Variants in RIC8B observed in about 807,000 individuals in gnomAD.
RIC8B encodes the protein chaperone Ric-8B.
RIC8B carries 16 observed loss-of-function variants against 57.5 expected under a neutral mutation model. The ratio of observed to expected loss-of-function variants is 0.28; its 90% CI spans 0.19 to 0.42. RIC8B has a LOEUF of 0.42. Among genes scored for constraint, RIC8B ranks in the 10% least tolerant of loss-of-function variants. RIC8B has a pLI of 1.00. For missense variants in RIC8B, 481 were observed against 677.0 expected (o/e 0.71, Z 3.21); for synonymous variants, 216 against 250.8 (o/e 0.86, Z 1.31).
At chr12:106,873,779 G>A (rs1950549151) in intron 9 of RIC8B, among the ~76,000 whole-genome samples, 1 of 152,194 alleles carries the variant, frequency 6.6e-6, no homozygotes, top group African/African-American at 2.4e-5. Context: ...AGGAAAAGGA[G>A]TAGTTCATTC....
At chr12:106,819,910 C>T (rs969859302) in intron 3 of RIC8B, among the ~76,000 whole-genome samples, 1 of 151,812 alleles carries the variant, frequency 6.6e-6, no homozygotes, top group African/African-American at 2.4e-5. Flanking sequence ...TTTGCAGTTG[C>T]TTGCTGTTTT....
At chr12:106,837,351 G>C (rs2136391435) in intron 4 of RIC8B, among the ~76,000 whole-genome samples, 1 of 151,592 alleles carries the variant, frequency 6.6e-6, no homozygotes, top group Non-Finnish European at 1.5e-5. Context: ...GACAGAGCAA[G>C]ACTGTTTCTC....
intron 2 of RIC8B, among the ~76,000 whole-genome samples, chr12:106,806,207 A>G (rs529512207): frequency 7.2e-5 from 11 of 152,158 alleles, no homozygotes; most frequent in Non-Finnish European, 1.3e-4. Flanking sequence ...TCGGCCTCCC[A>G]AAGTGCTGGG....
intron 2 of RIC8B, among the ~76,000 whole-genome samples, chr12:106,811,071 A>C (rs1671890805): frequency 6.6e-6 from 1 of 152,248 alleles, no homozygotes; most frequent in African/African-American, 2.4e-5. Flanking sequence ...GACCTTAAAC[A>C]AGTAATATGC....
chr12:106,820,977 C>T (rs918044118), intron 3 of RIC8B, among the ~76,000 whole-genome samples: 1 of 152,200 alleles, frequency 6.6e-6, no homozygotes, highest in Non-Finnish European at 1.5e-5. Context: ...TTTTCTCTCT[C>T]AGCCTTTGAA....
chr12:106,854,367 G>C (rs1015378512), intron 7 of RIC8B, among the ~76,000 whole-genome samples: 1 of 152,140 alleles, frequency 6.6e-6, no homozygotes, highest in Non-Finnish European at 1.5e-5. Context: ...CAGAATGTCT[G>C]AACTGTCTCT....
intron 3 of RIC8B, among the ~76,000 whole-genome samples, chr12:106,825,437 A>G (rs548602907): frequency 1.2e-4 from 18 of 152,344 alleles, no homozygotes; most frequent in African/African-American, 3.6e-4. Flanking sequence ...GCACCATAGA[A>G]AAAACGAATT....
At chr12:106,882,229 A>T (rs781252337) in intron 9 of RIC8B, among the ~76,000 whole-genome samples, 1 of 152,146 alleles carries the variant, frequency 6.6e-6, no homozygotes, top group Non-Finnish European at 1.5e-5. Flanking sequence ...CTAATGTTAT[A>T]CTATACACTT....
At chr12:106,792,316 A>G (rs1281442998) in intron 2 of RIC8B, among the ~76,000 whole-genome samples, 1 of 152,194 alleles carries the variant, frequency 6.6e-6, no homozygotes, top group Non-Finnish European at 1.5e-5. Flanking sequence ...GGAGGAGTAA[A>G]TCTAGAAAGC....
intron 7 of RIC8B, among the ~76,000 whole-genome samples, chr12:106,858,547 A>C (rs1013962001): frequency 6.6e-6 from 1 of 152,098 alleles, no homozygotes. Flanking sequence ...AAAGCACTAC[A>C]TCTTGGGGAG....
chr12:106,789,752 C>A (rs1272269581), intron 2 of RIC8B, among the ~76,000 whole-genome samples: 1 of 152,146 alleles, frequency 6.6e-6, no homozygotes, highest in East Asian at 1.9e-4. Context: ...CAAACCATAT[C>A]ACTCCCCTCG....
Position 106,863,913 on chromosome 12 carries a change from G to A in RIC8B, c.1451+3501G>A, listed in dbSNP as rs181089355. 3.6e-4 allele frequency among the ~76,000 whole-genome samples: 55 copies of A among 152,060 alleles called. No individual in the cohort carries two copies. In the East Asian group the frequency reaches 8.9e-3, roughly 25 times the overall value. On this transcript the variant is annotated intron_variant, in intron 8 of 9. Coordinates refer to ENST00000392837, the MANE Select transcript of RIC8B (RefSeq NM_001330145.2). ...CTATAATTTAAAAAGGCATTTTGAG[G>A]TCTTTTTTGTTTTATTGCCTAGATG... is the stretch of plus-strand genomic sequence containing the variant.
At chr12:106,869,222 A>G (rs2136577567) in intron 8 of RIC8B, among the ~76,000 whole-genome samples, 1 of 152,308 alleles carries the variant, frequency 6.6e-6, no homozygotes, top group Non-Finnish European at 1.5e-5. Flanking sequence ...GTGAGCACTG[A>G]GTCCTTCCAT....
At chr12:106,847,278 T>C (rs533737706) in intron 6 of RIC8B, among the ~76,000 whole-genome samples, 1 of 152,206 alleles carries the variant, frequency 6.6e-6, no homozygotes, top group Non-Finnish European at 1.5e-5. Context: ...GGGAGTGGTA[T>C]ATAACAATAA....
intron 3 of RIC8B, among the ~76,000 whole-genome samples, chr12:106,818,783 T>G (rs1308694000): frequency 6.6e-6 from 1 of 152,162 alleles, no homozygotes; most frequent in Non-Finnish European, 1.5e-5. Flanking sequence ...TTCTTTTTTT[T>G]GAGATGGAGT....
intron 1 of RIC8B, among the ~76,000 whole-genome samples, chr12:106,777,328 C>T (rs2043540338): frequency 6.6e-6 from 1 of 151,992 alleles, no homozygotes; most frequent in Non-Finnish European, 1.5e-5. Flanking sequence ...CATAGTGGTT[C>T]AGGCAGTAAG....
intron 3 of RIC8B, 105 bp downstream of exon 3, chr12:106,815,409 T>A: frequency 8.8e-7 from 1 of 1,134,100 alleles, no homozygotes; most frequent in Non-Finnish European, 1.2e-6. Flanking sequence ...TGGAAAAAGT[T>A]CCCACTTCTC....
intron 2 of RIC8B, among the ~76,000 whole-genome samples, chr12:106,789,898 T>G (rs925751696): frequency 2.0e-5 from 3 of 151,248 alleles, no homozygotes; most frequent in African/African-American, 7.3e-5. Context: ...TTGTGACAAC[T>G]TAGAAGTAAG....
intron 6 of RIC8B, among the ~76,000 whole-genome samples, chr12:106,849,245 A>G (rs1260840115): frequency 6.6e-6 from 1 of 151,908 alleles, no homozygotes; most frequent in Non-Finnish European, 1.5e-5. Flanking sequence ...ATAACCTACT[A>G]TGTACCCACA....
Sources: gnomAD v4.1 joint callset for allele counts (sites outside exome capture counted in the v4.1 genomes callset) on GRCh38, gnomAD v4.1.1 for gene constraint, MANE v1.5 for transcripts, NCBI Gene and HGNC (gene_info 2026-07-23, HGNC 2026-07-21) for gene names.